ARHGAP6: variants seen among roughly 807,000 people sequenced by gnomAD.
The protein encoded by ARHGAP6 is rho GTPase-activating protein 6.
Under a neutral mutation model 55.7 loss-of-function variants are expected in ARHGAP6, and 16 were observed. The observed-to-expected ratio is 0.29, with a 90% CI of 0.19 to 0.44. The LOEUF (loss-of-function observed/expected upper bound fraction) is 0.44. ARHGAP6 is among the 20% of genes least tolerant of loss of function. ARHGAP6 has a pLI of 1.00. For missense variants in ARHGAP6, 698 were observed against 808.9 expected (o/e 0.86, Z 1.66); for synonymous variants, 382 against 360.9 (o/e 1.06, Z -0.66).
At chrX:11,302,156 G>C (rs375469173) in intron 1 of ARHGAP6, among the ~76,000 whole-genome samples, 5 of 111,976 alleles carry the variant, frequency 4.5e-5, no homozygotes, top group Non-Finnish European at 9.4e-5. Flanking sequence ...CAATTCCTCC[G>C]TCATAGTAGA....
At chrX:11,289,275 A>T (rs903231098) in intron 1 of ARHGAP6, among the ~76,000 whole-genome samples, 1 of 111,533 alleles carries the variant, frequency 9.0e-6, no homozygotes, top group African/African-American at 3.3e-5. Flanking sequence ...CCTAAGAATG[A>T]ACATTGGATA....
chrX:11,210,772 G>A (rs1378243133), intron 2 of ARHGAP6, among the ~76,000 whole-genome samples: 1 of 112,364 alleles, frequency 8.9e-6, no homozygotes, highest in Non-Finnish European at 1.9e-5. Context: ...TACAAACAAT[G>A]TAATAATGCA....
chrX:11,502,399 T>C (rs1395659794), intron 1 of ARHGAP6, among the ~76,000 whole-genome samples: 1 of 112,779 alleles, frequency 8.9e-6, no homozygotes, highest in South Asian at 3.7e-4. Context: ...GCTTTATTTC[T>C]TGATCTGATG....
intron 1 of ARHGAP6, among the ~76,000 whole-genome samples, chrX:11,555,505 G>A (rs750873407): frequency 2.7e-5 from 3 of 111,005 alleles, no homozygotes; most frequent in Admixed American, 9.6e-5. Flanking sequence ...TGTAATCCCA[G>A]CACTTTGAGA....
At chrX:11,467,522 G>A (rs1037152171) in intron 1 of ARHGAP6, among the ~76,000 whole-genome samples, 1 of 111,505 alleles carries the variant, frequency 9.0e-6, no homozygotes, top group Non-Finnish European at 1.9e-5. Flanking sequence ...CAGTAGAATG[G>A]ATATATTATG....
At chrX:11,192,444 T>C (rs1349436861) in intron 3 of ARHGAP6, among the ~76,000 whole-genome samples, 1 of 111,705 alleles carries the variant, frequency 9.0e-6, no homozygotes, top group African/African-American at 3.3e-5. Flanking sequence ...CCTAACCTTC[T>C]CAGAAACCAC....
At chrX:11,602,338 AG>A (rs772482690) in intron 1 of ARHGAP6, among the ~76,000 whole-genome samples, 28 of 112,436 alleles carry the variant, frequency 2.5e-4, no homozygotes, top group African/African-American at 8.7e-4. Context: ...TAAAAAGCAG[AG>A]GGGTATATTG....
Position 11,174,561 on chromosome X carries a change from C to T in ARHGAP6, c.1629+3539G>A, listed in dbSNP as rs868139333. Among the ~76,000 whole-genome samples the T allele has an allele frequency of 7.7e-3, 580 of 75,155 alleles. 6 individuals carry two copies. The highest frequency in any genetic ancestry group is 0.019 in the South Asian group (27 of 1,459). The allele number at this position is 75,155 out of a possible 115,157, so 65.3% of individuals were successfully genotyped here. A position where few individuals can be genotyped will look rare whatever the true frequency, so the allele number is the denominator to read the frequency against. On this transcript the variant is annotated intron_variant, in intron 8 of 12. Transcript: ENST00000337414. ...TCCTTCCTTCCTTCCTTCCTTCCTT[C>T]CTTCCTTCCTTCCTTTCTTTCTTTC... is the stretch of plus-strand genomic sequence containing the variant.
intron 5 of ARHGAP6, 70 bp downstream of exon 5, chrX:11,186,166 T>C: frequency 2.0e-6 from 2 of 976,324 alleles, no homozygotes; most frequent in Non-Finnish European, 2.8e-6. Flanking sequence ...GAATTGACAT[T>C]GGGTACTTCA....
intron 1 of ARHGAP6, among the ~76,000 whole-genome samples, chrX:11,327,684 G>A (rs972495057): frequency 1.8e-5 from 2 of 111,575 alleles, no homozygotes; most frequent in African/African-American, 6.5e-5. Flanking sequence ...TGGTGCCAGG[G>A]ATGTAGGGGC....
intron 1 of ARHGAP6, among the ~76,000 whole-genome samples, chrX:11,330,004 G>A (rs1231915024): frequency 3.5e-5 from 4 of 113,097 alleles, no homozygotes; most frequent in Non-Finnish European, 5.6e-5. Flanking sequence ...TAACATGACT[G>A]CATATTCGCA....
chrX:11,475,308 T>C (rs921198938), intron 1 of ARHGAP6, among the ~76,000 whole-genome samples: 5 of 110,847 alleles, frequency 4.5e-5, no homozygotes, highest in Non-Finnish European at 9.5e-5. Flanking sequence ...AGGATAAATG[T>C]CTTGATATGA....
intron 1 of ARHGAP6, among the ~76,000 whole-genome samples, chrX:11,482,133 A>G (rs1289996495): frequency 1.8e-5 from 2 of 112,223 alleles, no homozygotes; most frequent in Non-Finnish European, 3.8e-5. Context: ...TGCTGGTGGA[A>G]TTGGCTTCAA....
chrX:11,432,894 G>A (rs2049953999), intron 1 of ARHGAP6, among the ~76,000 whole-genome samples: 1 of 112,361 alleles, frequency 8.9e-6, no homozygotes, highest in Admixed American at 9.4e-5. Flanking sequence ...CAGCAAAGTG[G>A]GGGTAAAATC....
intron 1 of ARHGAP6, among the ~76,000 whole-genome samples, chrX:11,391,196 G>C (rs1428888028): frequency 1.8e-5 from 2 of 111,456 alleles, no homozygotes; most frequent in African/African-American, 6.5e-5. Context: ...CCATCATTGT[G>C]AGCAAACTAT....
chrX:11,354,413 C>A (rs1301829043), intron 1 of ARHGAP6, among the ~76,000 whole-genome samples: 2 of 100,485 alleles, frequency 2.0e-5, no homozygotes, highest in Non-Finnish European at 4.0e-5. Flanking sequence ...ACTATCATCA[C>A]CACCATCATT....
intron 1 of ARHGAP6, among the ~76,000 whole-genome samples, chrX:11,555,767 T>C (rs2051314632): frequency 9.1e-6 from 1 of 110,129 alleles, no homozygotes; most frequent in Non-Finnish European, 1.9e-5. Flanking sequence ...ACAACAAAAA[T>C]GAGCCACAGT....
Position 11,460,984 on chromosome X carries a change from G to T in ARHGAP6, c.588+203257C>A, listed in dbSNP as rs189610631. On this transcript the variant is annotated intron_variant, in intron 1 of 12. Transcript: ENST00000337414. ...AAACATATTTTTCAGTGATGCTGTG[G>T]GTTTTCGGGGGCTCTACTTCTTGTA... Among the ~76,000 whole-genome samples the T allele has an allele frequency of 1.1e-3, 126 of 112,092 alleles. 2 individuals carry two copies. Among genetic ancestry groups the T allele is most frequent in the Admixed American group, 0.011 (111 of 10,569 alleles).
intron 1 of ARHGAP6, among the ~76,000 whole-genome samples, chrX:11,425,761 C>A (rs1449989518): frequency 1.8e-5 from 2 of 112,375 alleles, no homozygotes; most frequent in Non-Finnish European, 3.8e-5. Flanking sequence ...AATATATTTA[C>A]ATAATTGAGG....
Sources: gnomAD v4.1 joint callset for allele counts (sites outside exome capture counted in the v4.1 genomes callset) on GRCh38, gnomAD v4.1.1 for gene constraint, MANE v1.5 for transcripts, NCBI Gene and HGNC (gene_info 2026-07-23, HGNC 2026-07-21) for gene names.